ATXN10: variants seen among roughly 807,000 people sequenced by gnomAD.
The protein encoded by ATXN10 is ataxin-10.
A neutral mutation model predicts 52.9 loss-of-function variants in ATXN10; 28 were observed. The ratio of observed to expected loss-of-function variants is 0.53; its 90% CI spans 0.39 to 0.73. The LOEUF (loss-of-function observed/expected upper bound fraction) is 0.73. Among genes scored for constraint, ATXN10 ranks in the 30% least tolerant of loss-of-function variants. ATXN10 has a pLI of 0.00. For missense variants in ATXN10, 565 were observed against 577.0 expected, an observed-to-expected ratio of 0.98 and a Z score of 0.21; for synonymous variants, 226 against 221.5, an observed-to-expected ratio of 1.02 and a Z score of -0.18.
chr22:45,745,087 A>G (rs1402519173), intron 9 of ATXN10, among the ~76,000 whole-genome samples: 1 of 152,184 alleles, frequency 6.6e-6, no homozygotes, highest in East Asian at 1.9e-4. Flanking sequence ...TTGTGGACCT[A>G]AATGGAGATT....
chr22:45,812,001 C>T (rs765137924), intron 10 of ATXN10, among the ~76,000 whole-genome samples: 4 of 152,190 alleles, frequency 2.6e-5, no homozygotes, highest in Non-Finnish European at 5.9e-5. Context: ...GCTGTTCTCC[C>T]CTTCTTCAGC....
rs537907897 is a variant in ATXN10 at position 45,760,725 on chromosome 22, T to A, written c.1173+20187T>A. 461 of 153,400 alleles carry A rather than the reference T, an allele frequency of 3.0e-3. 4 individuals carry two copies. The highest frequency in any genetic ancestry group is 0.011 in the African/African-American group (443 of 41,556). The allele number at this position is 153,400 out of a possible 1,614,324, so 9.5% of individuals were successfully genotyped here. On this transcript the variant is annotated intron_variant, in intron 9 of 11. Coordinates refer to ENST00000252934, the MANE Select transcript of ATXN10 (RefSeq NM_013236.4). Reference sequence around the variant, plus strand: ...TCTCCCATGTTGCAGATGAGGAGACTGAGGGCCAGAATGGTTCAGTAGTGT... The same window carrying A: ...TCTCCCATGTTGCAGATGAGGAGACAGAGGGCCAGAATGGTTCAGTAGTGT...
Position 45,690,175 on chromosome 22 carries a change from C to T in ATXN10, c.308+272C>T, listed in dbSNP as rs1043985698. The stretch of plus-strand genomic sequence containing the variant: ...CCTGTAGTCCCAACTGCTCAGGAGA[C>T]TGAGGTGGGAGGATTGCTTGGGCCA... On this transcript the variant is annotated intron_variant, in intron 2 of 11. Transcript: ENST00000252934. This position sits in a 1 kb window ranked among gnomAD's most constrained non-coding sequence, Gnocchi z 4.5. 6.6e-6 allele frequency among the ~76,000 whole-genome samples: 1 copy of T among 151,528 alleles called. No individual in the cohort carries two copies. The highest frequency in any genetic ancestry group is 1.5e-5 in the Non-Finnish European group (1 of 67,962).
intron 1 of ATXN10, among the ~76,000 whole-genome samples, chr22:45,685,527 G>A (rs900516138): frequency 6.6e-6 from 1 of 152,104 alleles, no homozygotes; most frequent in African/African-American, 2.4e-5. Flanking sequence ...TTGTAATATT[G>A]GAGTGATTGA....
At chr22:45,771,118 G>T (rs1428212407) in intron 9 of ATXN10, among the ~76,000 whole-genome samples, 2 of 152,174 alleles carry the variant, frequency 1.3e-5, no homozygotes, top group Admixed American at 1.3e-4. Context: ...AAAGTGAAAA[G>T]AGGTTCACAC....
intron 9 of ATXN10, among the ~76,000 whole-genome samples, chr22:45,782,038 A>G (rs1927165578): frequency 6.6e-6 from 1 of 152,230 alleles, no homozygotes; most frequent in Admixed American, 6.5e-5. Flanking sequence ...TTTGGCAAAA[A>G]CCATAAACCT....
chr22:45,728,737 A>G lies in ATXN10; in HGVS notation c.729-688A>G, dbSNP rs986473902. Among the ~76,000 whole-genome samples the G allele has an allele frequency of 1.3e-5, 2 of 152,208 alleles. No homozygotes were observed. The highest frequency in any genetic ancestry group is 4.8e-5 in the African/African-American group (2 of 41,436). On this transcript the variant is annotated intron_variant, in intron 6 of 11. Coordinates refer to ENST00000252934, the MANE Select transcript of ATXN10 (RefSeq NM_013236.4). The surrounding 1 kb of genome is among the most constrained non-coding windows in gnomAD (Gnocchi z 4.3). ...CATTTTTCCTAGGAGAAGGAAAGAG[A>G]TGGTTGAAAAGAAATATTTATTTGG...
chr22:45,686,748 G>T (rs1923155120), intron 1 of ATXN10, among the ~76,000 whole-genome samples: 1 of 151,352 alleles, frequency 6.6e-6, no homozygotes, highest in Non-Finnish European at 1.5e-5. Flanking sequence ...GAACCCAGGA[G>T]GTGGAGGTTG....
rs145910837 is a variant in ATXN10 at position 45,725,539 on chromosome 22, A to G, written c.729-3886A>G. Among the ~76,000 whole-genome samples, 46 of 151,976 alleles carry G rather than the reference A, an allele frequency of 3.0e-4. 1 individual carries two copies. The East Asian group carries it at 8.7e-3, about 29-fold the overall frequency. On this transcript the variant is annotated intron_variant, in intron 6 of 11. Transcript: ENST00000252934. ...TGTTACCTGAGACTTTACTGAATTC[A>G]TTGATCAAATCTAGGAGTCTTTCGG...
chr22:45,773,445 A>ATTATTTATTTAT (rs111706438), intron 9 of ATXN10, among the ~76,000 whole-genome samples: 54 of 149,376 alleles, frequency 3.6e-4, no homozygotes, highest in African/African-American at 4.7e-4. Flanking sequence ...TGAATGAAGA[A>ATTATTTATTTAT]TTATTTATTT....
intron 1 of ATXN10, chr22:45,689,465 C>T (rs1474635560): frequency 3.7e-6 from 2 of 534,108 alleles, no homozygotes; most frequent in Non-Finnish European, 6.7e-6. Context: ...ATGGAGAGGA[C>T]AGTGTTGGCC....
intron 9 of ATXN10, among the ~76,000 whole-genome samples, chr22:45,751,760 A>AAAAAAAAAAAAAAAAAT (rs1925973673): frequency 1.6e-5 from 1 of 63,178 alleles, no homozygotes; most frequent in African/African-American, 6.2e-5. Flanking sequence ...AAAAATAAAA[A>AAAAAAAAAAAAAAAAAT]AAAAATAATA....
chr22:45,746,178 A>G (rs1287992266), intron 9 of ATXN10, among the ~76,000 whole-genome samples: 1 of 151,808 alleles, frequency 6.6e-6, no homozygotes. Flanking sequence ...TCTTAAATAA[A>G]ATTTAAGACT....
chr22:45,827,654 A>G (rs1382973547), intron 10 of ATXN10, among the ~76,000 whole-genome samples: 1 of 152,222 alleles, frequency 6.6e-6, no homozygotes, highest in Non-Finnish European at 1.5e-5. Flanking sequence ...TGAAGCAAAA[A>G]CTGAAGGAAG....
At chr22:45,695,329 A>G (rs1923563077) in intron 3 of ATXN10, among the ~76,000 whole-genome samples, 1 of 151,752 alleles carries the variant, frequency 6.6e-6, no homozygotes, top group Non-Finnish European at 1.5e-5. Flanking sequence ...CACCTCAAAA[A>G]AAAAAAAAAA....
At chr22:45,792,058 A>AT (rs1927531896) in intron 9 of ATXN10, among the ~76,000 whole-genome samples, 1 of 152,150 alleles carries the variant, frequency 6.6e-6, no homozygotes, top group African/African-American at 2.4e-5. Context: ...GTTAATAAAC[A>AT]TTTTTTCTTC....
At position 45,728,305 on chromosome 22, in the gene ATXN10, A is replaced by G. The variant is rs1924957042; in HGVS notation, c.729-1120A>G. On this transcript the variant is annotated intron_variant, in intron 6 of 11. Transcript: ENST00000252934. This position sits in a 1 kb window ranked among gnomAD's most constrained non-coding sequence, Gnocchi z 4.3. ...ATTATATATAAATAAGGGAAAACAG[A>G]AATTCTCTAATACTGTGCTCAACTG... Among the ~76,000 whole-genome samples, 1 of 152,174 alleles carries G rather than the reference A, an allele frequency of 6.6e-6. No individual in the cohort carries two copies. Among genetic ancestry groups the G allele is most frequent in the Non-Finnish European group, 1.5e-5 (1 of 68,024 alleles).
chr22:45,711,389 G>A (rs1365464758), intron 5 of ATXN10, among the ~76,000 whole-genome samples: 1 of 152,152 alleles, frequency 6.6e-6, no homozygotes, highest in Non-Finnish European at 1.5e-5. Flanking sequence ...TGGAGTTATA[G>A]GCGGGTGAAC....
intron 10 of ATXN10, among the ~76,000 whole-genome samples, chr22:45,830,331 A>T (rs1020709866): frequency 1.3e-5 from 2 of 152,252 alleles, no homozygotes. Flanking sequence ...AGACAGCAAA[A>T]GGAAAAATGA....
Sources: gnomAD v4.1 joint callset for allele counts (sites outside exome capture counted in the v4.1 genomes callset) on GRCh38, gnomAD v4.1.1 for gene constraint, Gnocchi (gnomAD v3.1) non-coding constraint, MANE v1.5 for transcripts, NCBI Gene and HGNC (gene_info 2026-07-23, HGNC 2026-07-21) for gene names.